The following GPR176 variants were observed in gnomAD, a reference collection of about 807,000 sequenced individuals.
The protein encoded by GPR176 is G protein-coupled receptor 176, also known as G-protein coupled receptor 176.
In GPR176, 26 loss-of-function variants were observed where a neutral mutation model predicts 35.4. That is an observed-to-expected ratio of 0.74 (90% CI 0.54 to 1.02). GPR176 has a LOEUF of 1.02. Ranked by LOEUF, GPR176 falls within the 50% of genes least tolerant of loss-of-function variation. The pLI, the probability that GPR176 is intolerant of heterozygous loss-of-function variation, is 0.00. For synonymous variants in GPR176, 278 were observed against 271.3 expected (o/e 1.02, Z -0.24); for missense variants, 597 against 665.3 (o/e 0.90, Z 1.13).
At chr15:39,906,204 A>G (rs1294330841) in intron 1 of GPR176, among the ~76,000 whole-genome samples, 1 of 152,204 alleles carries the variant, frequency 6.6e-6, no homozygotes, top group Non-Finnish European at 1.5e-5. Context: ...TTGTGCAAAA[A>G]GCATGGTTTT....
At chr15:39,898,338 A>G (rs376933451) in intron 1 of GPR176, among the ~76,000 whole-genome samples, 14 of 152,330 alleles carry the variant, frequency 9.2e-5, no homozygotes, top group African/African-American at 3.4e-4. Flanking sequence ...TCAAGATAAT[A>G]CCGCCTTAAA....
chr15:39,871,111 T>A (rs887229799), intron 1 of GPR176, among the ~76,000 whole-genome samples: 3 of 152,190 alleles, frequency 2.0e-5, no homozygotes, highest in Non-Finnish European at 4.4e-5. Flanking sequence ...AATAGAAAAC[T>A]AATACAGTTG....
At chr15:39,872,184 A>G (rs932410023) in intron 1 of GPR176, among the ~76,000 whole-genome samples, 57 of 139,004 alleles carry the variant, frequency 4.1e-4, no homozygotes, top group Non-Finnish European at 7.9e-4. Context: ...AATAAGTTGT[A>G]TAATAGAGAG....
At chr15:39,805,996 C>CT (rs1899167659) in intron 2 of GPR176, among the ~76,000 whole-genome samples, 1 of 152,212 alleles carries the variant, frequency 6.6e-6, no homozygotes, top group African/African-American at 2.4e-5. Context: ...TCGTGTGACT[C>CT]TGTGTCCCTC....
At chr15:39,819,524 C>G (rs189906980) in intron 1 of GPR176, among the ~76,000 whole-genome samples, 2 of 152,260 alleles carry the variant, frequency 1.3e-5, no homozygotes, top group Admixed American at 1.3e-4. Context: ...TTCCTGTGTA[C>G]TCACTTTTAT....
At chr15:39,841,062 A>C (rs2029936776) in intron 1 of GPR176, among the ~76,000 whole-genome samples, 2 of 152,130 alleles carry the variant, frequency 1.3e-5, no homozygotes, top group African/African-American at 4.8e-5. Flanking sequence ...CTGGGTCCTC[A>C]TGCAGCTGTC....
Position 39,891,669 on chromosome 15 carries a change from G to A in GPR176, c.172+28186C>T, listed in dbSNP as rs182681551. On this transcript the variant is annotated intron_variant, in intron 1 of 2. Transcript: ENST00000561100. ...GCTATCTTAGAGCCAAAACAGACGG[G>A]CACCAGAATGAAACTAAAATACAGT... Among the ~76,000 whole-genome samples the A allele has an allele frequency of 2.7e-3, 418 of 152,162 alleles. 1 individual carries two copies. The highest frequency in any genetic ancestry group is 4.3e-3 in the Non-Finnish European group (291 of 67,996).
At chr15:39,878,964 G>A (rs950021714) in intron 1 of GPR176, among the ~76,000 whole-genome samples, 5 of 152,240 alleles carry the variant, frequency 3.3e-5, no homozygotes, top group Admixed American at 2.0e-4. Flanking sequence ...GAGGTAAGAT[G>A]AGAGTAGGCG....
At chr15:39,873,196 A>AT (rs1171431446) in intron 1 of GPR176, among the ~76,000 whole-genome samples, 3 of 152,114 alleles carry the variant, frequency 2.0e-5, no homozygotes, top group African/African-American at 7.2e-5. Context: ...AACTAACCAC[A>AT]TTTTCTGCCT....
intron 1 of GPR176, among the ~76,000 whole-genome samples, chr15:39,891,910 A>G (rs2032888724): frequency 6.6e-6 from 1 of 152,254 alleles, no homozygotes; most frequent in African/African-American, 2.4e-5. Context: ...AAGAGAAAAC[A>G]ATATTCTACT....
chr15:39,829,462 G>T (rs762972434), intron 1 of GPR176, among the ~76,000 whole-genome samples: 3 of 152,178 alleles, frequency 2.0e-5, no homozygotes, highest in South Asian at 2.1e-4. Context: ...AGGAACAAAG[G>T]GTGGGCTTGG....
At chr15:39,867,574 G>A (rs1234931743) in intron 1 of GPR176, among the ~76,000 whole-genome samples, 1 of 152,176 alleles carries the variant, frequency 6.6e-6, no homozygotes, top group Admixed American at 6.5e-5. Context: ...GCCAAAGGAG[G>A]ATTTTAGGTG....
chr15:39,893,856 C>T (rs1169876870), intron 1 of GPR176, among the ~76,000 whole-genome samples: 3 of 142,028 alleles, frequency 2.1e-5, no homozygotes, highest in Admixed American at 1.4e-4. Context: ...TAGGGGCGGC[C>T]GGGCAGAGGC....
chr15:39,832,028 C>A (rs1386278056), intron 1 of GPR176, among the ~76,000 whole-genome samples: 1 of 139,984 alleles, frequency 7.1e-6, no homozygotes, highest in Non-Finnish European at 1.6e-5. Context: ...ACACACACAC[C>A]ATGTTCCAGT....
chr15:39,901,915 A>T (rs926902313), intron 1 of GPR176, among the ~76,000 whole-genome samples: 6 of 140,472 alleles, frequency 4.3e-5, no homozygotes, highest in African/African-American at 1.6e-4. Flanking sequence ...TTCTACCAAA[A>T]ATACAAAAAA....
At chr15:39,828,747 C>T (rs1452717465) in intron 1 of GPR176, among the ~76,000 whole-genome samples, 1 of 152,210 alleles carries the variant, frequency 6.6e-6, no homozygotes, top group Non-Finnish European at 1.5e-5. Context: ...GACATTGGCA[C>T]ACCTCACAGG....
chr15:39,910,562 A>C (rs2033552103), intron 1 of GPR176, among the ~76,000 whole-genome samples: 1 of 152,104 alleles, frequency 6.6e-6, no homozygotes, highest in Non-Finnish European at 1.5e-5. Flanking sequence ...CATCTCAAAA[A>C]GAAAAAAAAA....
intron 1 of GPR176, among the ~76,000 whole-genome samples, chr15:39,823,261 G>T (rs1900396864): frequency 2.0e-5 from 3 of 152,072 alleles, no homozygotes; most frequent in Admixed American, 1.3e-4. Flanking sequence ...ATATCCATAT[G>T]CCCACTTGAC....
intron 1 of GPR176, among the ~76,000 whole-genome samples, chr15:39,824,699 T>C (rs1900505044): frequency 6.6e-6 from 1 of 152,138 alleles, no homozygotes; most frequent in African/African-American, 2.4e-5. Context: ...AAAAAGCAAA[T>C]GAACATTGGG....
Sources: allele counts gnomAD v4.1 joint callset (sites outside exome capture counted in the v4.1 genomes callset), GRCh38; gene constraint gnomAD v4.1.1; transcripts MANE v1.5; gene names NCBI Gene and HGNC (gene_info 2026-07-23, HGNC 2026-07-21).